The following RBFOX1 variants were observed in gnomAD, a reference collection of about 807,000 sequenced individuals.
RBFOX1 encodes the protein RNA binding protein fox-1 homolog 1.
RBFOX1 carries 8 observed loss-of-function variants against 57.7 expected under a neutral mutation model. That is an observed-to-expected ratio of 0.14 (90% CI 0.08 to 0.25). The LOEUF (loss-of-function observed/expected upper bound fraction) is 0.25, where lower values mean the gene tolerates loss of function less well. RBFOX1 is among the 10% of genes least tolerant of loss of function. RBFOX1 has a pLI of 1.00. For missense variants in RBFOX1, 611 were observed against 548.5 expected, an observed-to-expected ratio of 1.11 and a Z score of -1.14; for synonymous variants, 326 against 222.4, an observed-to-expected ratio of 1.47 and a Z score of -4.15.
At chr16:7,311,261 C>G (rs990796619) in intron 4 of RBFOX1, among the ~76,000 whole-genome samples, 6 of 152,152 alleles carry the variant, frequency 3.9e-5, no homozygotes, top group Non-Finnish European at 8.8e-5. Flanking sequence ...TGATCCTTTT[C>G]TTTATGTGTC....
At chr16:6,428,048 C>T (rs560746501) in intron 2 of RBFOX1, among the ~76,000 whole-genome samples, 4 of 152,074 alleles carry the variant, frequency 2.6e-5, no homozygotes, top group East Asian at 1.9e-4. Context: ...TTTGGGAGGC[C>T]GAGGCAGGCA....
intron 2 of RBFOX1, among the ~76,000 whole-genome samples, chr16:5,496,101 G>A (rs1381607121): frequency 6.6e-6 from 1 of 152,098 alleles, no homozygotes; most frequent in Non-Finnish European, 1.5e-5. Context: ...ACTCCAGCCT[G>A]GGTGACAGTG....
At chr16:5,957,719 C>T (rs2059673520) in intron 4 of RBFOX1, among the ~76,000 whole-genome samples, 1 of 152,068 alleles carries the variant, frequency 6.6e-6, no homozygotes, top group Non-Finnish European at 1.5e-5. Flanking sequence ...TTGGGGGGCA[C>T]ATGAGATGTT....
At chr16:6,993,614 T>C (rs139088869) in intron 3 of RBFOX1, among the ~76,000 whole-genome samples, 2 of 152,284 alleles carry the variant, frequency 1.3e-5, no homozygotes, top group East Asian at 3.9e-4. Flanking sequence ...AGTTTAATTG[T>C]TAAAATTCCA....
chr16:6,924,681 T>A (rs192204154), intron 3 of RBFOX1, among the ~76,000 whole-genome samples: 1,519 of 151,292 alleles, frequency 0.01, 16 homozygotes, highest in African/African-American at 0.029. Flanking sequence ...CTTTTTTTTT[T>A]AATTTTATTA....
intron 9 of RBFOX1, among the ~76,000 whole-genome samples, chr16:7,603,751 C>T (rs1208042570): frequency 6.6e-6 from 1 of 151,976 alleles, no homozygotes; most frequent in Non-Finnish European, 1.5e-5. Context: ...GAAGTGGTAC[C>T]AAAGAGGTAC....
intron 1 of RBFOX1, among the ~76,000 whole-genome samples, chr16:6,062,909 C>T (rs988316616): frequency 6.6e-6 from 1 of 152,076 alleles, no homozygotes; most frequent in African/African-American, 2.4e-5. Context: ...TGGCTGGAAA[C>T]TCAGGCAGAA....
chr16:5,546,331 T>G (rs895904433), intron 2 of RBFOX1, among the ~76,000 whole-genome samples: 7 of 152,144 alleles, frequency 4.6e-5, no homozygotes, highest in African/African-American at 1.7e-4. Context: ...GATTTTGAAA[T>G]TTATACAGAC....
At chr16:6,466,868 T>G (rs1380392080) in intron 2 of RBFOX1, among the ~76,000 whole-genome samples, 1 of 152,162 alleles carries the variant, frequency 6.6e-6, no homozygotes, top group African/African-American at 2.4e-5. Context: ...GCAGAAACCC[T>G]AAGAGTCCTT....
chr16:6,450,044 T>C (rs1420851323), intron 2 of RBFOX1, among the ~76,000 whole-genome samples: 1 of 152,132 alleles, frequency 6.6e-6, no homozygotes, highest in Non-Finnish European at 1.5e-5. Context: ...TAGGAGCCCA[T>C]CTTTAAGGAG....
chr16:5,316,478 A>T (rs1466780904), intron 1 of RBFOX1, among the ~76,000 whole-genome samples: 1 of 152,096 alleles, frequency 6.6e-6, no homozygotes, highest in Non-Finnish European at 1.5e-5. Flanking sequence ...ACTCTCCTCC[A>T]TTGCTATGAG....
chr16:7,323,104 G>A (rs1337993462), intron 4 of RBFOX1, among the ~76,000 whole-genome samples: 1 of 152,156 alleles, frequency 6.6e-6, no homozygotes, highest in Non-Finnish European at 1.5e-5. Flanking sequence ...TAAAGGAGAT[G>A]AAGAAACCAC....
chr16:6,784,410 C>A (rs1341093856), intron 3 of RBFOX1, among the ~76,000 whole-genome samples: 1 of 152,074 alleles, frequency 6.6e-6, no homozygotes, highest in Non-Finnish European at 1.5e-5. Flanking sequence ...CACTCTGATG[C>A]ATTTTTGTGT....
rs1352846497 is a variant in RBFOX1 at position 7,676,831 on chromosome 16, A to G, written c.988A>G (p.Ser330Gly). Residue 330 changes from serine to glycine, a missense_variant, in exon 14 of 16, where the codon AGT becomes GGT. By Grantham distance (56) the Ser-to-Gly change is moderately conservative. Around this residue, in one of 3 missense-constraint regions of RBFOX1, gnomAD observed 267 missense variants for 229.1 expected, o/e 1.17. Transcript: ENST00000550418. The stretch of plus-strand genomic sequence containing the variant: ...TACCCCTGCCACTGCCGCTGCCTAC[A>G]GTGACAGGTAAGGGTCATCCTTCTT... ...QPTPATAAAY[S>G]DSYGRVYAAD... 3.1e-6 allele frequency: 5 copies of G among 1,612,602 alleles called. No homozygotes were observed. In the African/African-American group the frequency reaches 5.3e-5, roughly 17 times the overall value.
chr16:6,094,000 T>C lies in RBFOX1; in HGVS notation c.-127+74008T>C, dbSNP rs199539047. 4.0e-4 allele frequency among the ~76,000 whole-genome samples: 61 copies of C among 152,344 alleles called. No individual in the cohort carries two copies. The East Asian group carries it at 0.011, about 27-fold the overall frequency. On this transcript the variant is annotated intron_variant, in intron 1 of 15. Transcript: ENST00000550418. ...CGCAAAAGAGAAATCATGCCGCTTTTTTAGGTAATCTGTGTTCTGTGGAGG... is the reference window on the plus strand; with the variant it reads ...CGCAAAAGAGAAATCATGCCGCTTTCTTAGGTAATCTGTGTTCTGTGGAGG...
At chr16:6,541,311 C>G (rs1457128851) in intron 2 of RBFOX1, among the ~76,000 whole-genome samples, 1 of 152,184 alleles carries the variant, frequency 6.6e-6, no homozygotes, top group Non-Finnish European at 1.5e-5. Flanking sequence ...AAATAGGTGA[C>G]TCTGGCATTC....
intron 1 of RBFOX1, among the ~76,000 whole-genome samples, chr16:5,248,719 G>A (rs1261144305): frequency 6.6e-6 from 1 of 152,176 alleles, no homozygotes; most frequent in East Asian, 1.9e-4. Flanking sequence ...GCCGGGCACG[G>A]TGGCTCACAC....
In RBFOX1 at chr16:5,946,540, T is replaced by C. The variant is rs1259720821; in HGVS notation, c.351+79205T>C. Reference sequence around the variant, plus strand: ...GAAGTTCTACGCCCTTCCCCGTATCTCACTCTATGCATATTTTTTTCCAAC... The same window carrying C: ...GAAGTTCTACGCCCTTCCCCGTATCCCACTCTATGCATATTTTTTTCCAAC... On this transcript the variant is annotated intron_variant, in intron 4 of 19. Coordinates refer to the RBFOX1 transcript ENST00000641259. The surrounding 1 kb of genome is among the most constrained non-coding windows in gnomAD (Gnocchi z 4.6). Among the ~76,000 whole-genome samples, 5 of 143,878 alleles carry C rather than the reference T, an allele frequency of 3.5e-5. No individual in the cohort carries two copies. The highest frequency in any genetic ancestry group is 2.2e-4 in the Admixed American group (3 of 13,744). 94.4% of individuals were successfully genotyped at this position (143,878 alleles called of 152,430 possible).
intron 1 of RBFOX1, among the ~76,000 whole-genome samples, chr16:5,329,402 C>G (rs1460592753): frequency 1.3e-5 from 2 of 152,018 alleles, no homozygotes; most frequent in Admixed American, 1.3e-4. Flanking sequence ...TTTTAAATAA[C>G]CAGATCTCAC....
Sources: gnomAD v4.1 joint callset for allele counts (sites outside exome capture counted in the v4.1 genomes callset) on GRCh38, gnomAD v4.1.1 for gene constraint, gnomAD v4.1.1 regional missense constraint, Gnocchi (gnomAD v3.1) non-coding constraint, MANE v1.5 for transcripts, NCBI Gene and HGNC (gene_info 2026-07-23, HGNC 2026-07-21) for gene names.